The following BNC1 variants were observed in gnomAD, a reference collection of about 807,000 sequenced individuals.
BNC1 encodes the protein zinc finger protein basonuclin-1.
BNC1 carries 8 observed loss-of-function variants against 66.5 expected under a neutral mutation model. The observed-to-expected ratio is 0.12, with a 90% CI of 0.07 to 0.22. The LOEUF (loss-of-function observed/expected upper bound fraction) is 0.22, where lower values mean the gene tolerates loss of function less well. Ranked by LOEUF, BNC1 falls within the 10% of genes least tolerant of loss-of-function variation. The probability of loss-of-function intolerance (pLI) is 1.00; values close to 1 mark genes in which losing one functional copy is unlikely to be tolerated. For missense variants in BNC1, 1,069 were observed against 1,241.3 expected (o/e 0.86, Z 2.09); for synonymous variants, 454 against 452.6 (o/e 1.00, Z -0.04).
intron 1 of BNC1, among the ~76,000 whole-genome samples, chr15:83,281,818 G>T (rs115117068): frequency 7.9e-5 from 12 of 152,246 alleles, no homozygotes; most frequent in Admixed American, 5.9e-4. Flanking sequence ...AGGGAAACCT[G>T]TATGGCTTTT....
intron 4 of BNC1, 90 bp downstream of exon 4, chr15:83,262,858 TCTG>T: frequency 7.6e-7 from 1 of 1,312,556 alleles, no homozygotes; most frequent in Non-Finnish European, 1.0e-6. Context: ...GGCTCAGAAG[TCTG>T]TGTTTTAACA....
chr15:83,277,335 A>G (rs1453962441), intron 1 of BNC1, among the ~76,000 whole-genome samples: 1 of 151,972 alleles, frequency 6.6e-6, no homozygotes, highest in Non-Finnish European at 1.5e-5. Context: ...TTTTGGAGAC[A>G]GTGTGGCTCT....
chr15:83,279,553 A>G (rs1000042757), intron 1 of BNC1, among the ~76,000 whole-genome samples: 1 of 152,196 alleles, frequency 6.6e-6, no homozygotes, highest in Non-Finnish European at 1.5e-5. Flanking sequence ...ACATGTACAT[A>G]TGTGTCAGGC....
chr15:83,283,297 G>A lies in BNC1; in HGVS notation c.99+1233C>T. ...CGCCACAATCTTGTCACATCTGGCT[G>A]ACAAATCCCGAGGAACTCCGGCAAA... is the stretch of plus-strand genomic sequence containing the variant. On this transcript the variant is annotated intron_variant, in intron 1 of 4. Coordinates refer to ENST00000345382, the MANE Select transcript of BNC1 (RefSeq NM_001717.4). 7 of 1,505,412 alleles carry A rather than the reference G, an allele frequency of 4.6e-6. No homozygotes were observed. The South Asian group carries it at 7.5e-5, about 16-fold the overall frequency. The allele number at this position is 1,505,412 out of a possible 1,614,324, so 93.3% of individuals were successfully genotyped here. A position where few individuals can be genotyped will look rare whatever the true frequency, so the allele number is the denominator to read the frequency against.
At chr15:83,276,016 G>A (rs62025915) in intron 1 of BNC1, among the ~76,000 whole-genome samples, 31,517 of 151,982 alleles carry the variant, frequency 0.21, 3,441 homozygotes, top group Admixed American at 0.23. Context: ...TAAAACCTAG[G>A]ATTGGCCTCA....
chr15:83,280,113 A>G lies in BNC1; in HGVS notation c.99+4417T>C, dbSNP rs370980801. 1.6e-4 allele frequency among the ~76,000 whole-genome samples: 25 copies of G among 152,310 alleles called. No homozygotes were observed. In the South Asian group the frequency reaches 5.0e-3, roughly 30 times the overall value. ...TGTCTGTGCTTTTTTTCTTAAAATT[A>G]TTAGTTTCAAAAACTGAAAATCTAT... On this transcript the variant is annotated intron_variant, in intron 1 of 4. Coordinates refer to ENST00000345382, the MANE Select transcript of BNC1 (RefSeq NM_001717.4).
Position 83,257,266 on chromosome 15 carries a change from G to T in BNC1, c.*176C>A. 2.8e-6 allele frequency: 2 copies of T among 709,978 alleles called. No individual in the cohort carries two copies. Among genetic ancestry groups the T allele is most frequent in the Non-Finnish European group, 4.6e-6 (2 of 436,760 alleles). The allele number at this position is 709,978 out of a possible 1,614,324, so 44.0% of individuals were successfully genotyped here. A position where few individuals can be genotyped will look rare whatever the true frequency, so the allele number is the denominator to read the frequency against. ...AAATAATAGGAAGGGCTGCCCCAGT[G>T]TCATCTTCCCACGAGGTTTGTCTTT... On this transcript the variant is annotated 3_prime_UTR_variant, in exon 5 of 5. Transcript: ENST00000345382.
chr15:83,272,610 C>T (rs1459660818), intron 1 of BNC1, among the ~76,000 whole-genome samples: 1 of 152,038 alleles, frequency 6.6e-6, no homozygotes, highest in Non-Finnish European at 1.5e-5. Flanking sequence ...GAAAATAAGA[C>T]CTGCTTTAAC....
chr15:83,261,748 A>G (rs1284697228), intron 4 of BNC1, among the ~76,000 whole-genome samples: 1 of 152,202 alleles, frequency 6.6e-6, no homozygotes, highest in Non-Finnish European at 1.5e-5. Context: ...GTGTGTCATG[A>G]AAACTCAGGA....
intron 4 of BNC1, among the ~76,000 whole-genome samples, chr15:83,262,051 T>G (rs1003736116): frequency 1.3e-5 from 2 of 148,200 alleles, no homozygotes; most frequent in African/African-American, 2.5e-5. Flanking sequence ...TCATGTTTTT[T>G]TTTTTTTTTT....
chr15:83,283,581 C>G (rs566527500), intron 1 of BNC1: 1 of 909,792 alleles, frequency 1.1e-6, no homozygotes, highest in East Asian at 1.2e-4. Context: ...CCATGCAAAC[C>G]CCTGAAGGAA....
chr15:83,281,898 C>CAG (rs2038382552), intron 1 of BNC1, among the ~76,000 whole-genome samples: 2 of 152,268 alleles, frequency 1.3e-5, no homozygotes, highest in African/African-American at 2.4e-5. Context: ...TGGGCATGGG[C>CAG]CTGGGATGCA....
At chr15:83,283,076 CCCAACCA>C in intron 1 of BNC1, 2 of 1,522,358 alleles carry the variant, frequency 1.3e-6, no homozygotes, top group South Asian at 2.4e-5. Flanking sequence ...CCCCCCGCCC[CCCAACCA>C]CACACAACTT....
chr15:83,274,913 T>C (rs955067261), intron 1 of BNC1, among the ~76,000 whole-genome samples: 2 of 152,212 alleles, frequency 1.3e-5, no homozygotes, highest in Admixed American at 1.3e-4. Flanking sequence ...CAGTATTTGG[T>C]GCTAACTACA....
Position 83,263,998 on chromosome 15 carries a change from T to C in BNC1, c.1253A>G (p.Asn418Ser). 7 of 1,614,198 alleles carry C rather than the reference T, an allele frequency of 4.3e-6. No individual in the cohort carries two copies. Among genetic ancestry groups the C allele is most frequent in the Non-Finnish European group, 5.9e-6 (7 of 1,180,034 alleles). The part of the protein sequence containing the change: ...NPNPRLHMPM[N>S]RNNRDKDLRN... ...GAGGTCTTTGTCCCGGTTATTTCTG[T>C]TCATTGGCATGTGCAGCCGAGGGTT... The change falls in exon 4 of 5, where the codon AAC becomes AGC. Residue 418 changes from asparagine to serine, a missense_variant. Asn to Ser is a conservative substitution (Grantham distance 46, BLOSUM62 1). Coordinates refer to ENST00000345382, the MANE Select transcript of BNC1 (RefSeq NM_001717.4).
Position 83,263,034 on chromosome 15 carries a change from G to T in BNC1, c.2217C>A (p.His739Gln). Residue 739 changes from histidine (H) to glutamine (Q), a missense_variant, in exon 4 of 5, where the codon CAC becomes CAA. Around this residue, in one of 7 missense-constraint regions of BNC1, gnomAD observed 657 missense variants for 715.8 expected, o/e 0.92. Transcript: ENST00000345382. ...GCATTTCTTTGACATGCATATTCTTGTGATGAATTTTCACACTACAAGCAT... is the reference window on the plus strand; with the variant it reads ...GCATTTCTTTGACATGCATATTCTTTTGATGAATTTTCACACTACAAGCAT... ...FKNACSVKIH[H>Q]KNMHVKEMHT... 1 of 1,614,166 alleles carries T rather than the reference G, an allele frequency of 6.2e-7. No homozygotes were observed. Among genetic ancestry groups the T allele is most frequent in the Non-Finnish European group, 8.5e-7 (1 of 1,180,026 alleles).
In BNC1 at chr15:83,257,510, G is replaced by A. The variant is rs749980467; in HGVS notation, c.2917C>T (p.Arg973Ter). The change falls in exon 5 of 5, where the codon CGA (arginine) becomes TGA (stop). Residue 973 changes from arginine to a stop codon, truncating the protein, a stop_gained. Coordinates refer to ENST00000345382, the MANE Select transcript of BNC1 (RefSeq NM_001717.4). LOFTEE classifies it high-confidence loss of function. The stretch of plus-strand genomic sequence containing the variant: ...TTGGGATTCTGGCTGTGTCTGTTTC[G>A]ACTGCGAACAGACGAAAACATGGTG... ...CNTMFSSVRSRNRHSQNPNLH... is the reference protein window; with the variant it reads ...CNTMFSSVRS 6.8e-6 allele frequency: 11 copies of A among 1,614,004 alleles called. No individual in the cohort carries two copies. The highest frequency in any genetic ancestry group is 7.6e-6 in the Non-Finnish European group (9 of 1,180,034).
At chr15:83,278,898 G>A (rs1041072983) in intron 1 of BNC1, among the ~76,000 whole-genome samples, 9 of 152,122 alleles carry the variant, frequency 5.9e-5, no homozygotes, top group African/African-American at 2.2e-4. Flanking sequence ...AGACCAGGGA[G>A]CACTCTACAG....
intron 1 of BNC1, among the ~76,000 whole-genome samples, chr15:83,282,344 C>G (rs1490191990): frequency 6.6e-6 from 1 of 152,204 alleles, no homozygotes; most frequent in Non-Finnish European, 1.5e-5. Context: ...CAAACGATGA[C>G]TCGTATCTTA....
Sources: gnomAD v4.1 joint callset for allele counts (sites outside exome capture counted in the v4.1 genomes callset) on GRCh38, gnomAD v4.1.1 for gene constraint, gnomAD v4.1.1 regional missense constraint, MANE v1.5 for transcripts, NCBI Gene and HGNC (gene_info 2026-07-23, HGNC 2026-07-21) for gene names.